The following CAMK2N2 variants were observed in gnomAD, a reference collection of about 807,000 sequenced individuals.
The protein encoded by CAMK2N2 is calcium/calmodulin-dependent protein kinase II inhibitor 2.
Under a neutral mutation model 7.8 loss-of-function variants are expected in CAMK2N2, and 3 were observed. That is an observed-to-expected ratio of 0.38 (90% CI 0.18 to 0.99). The LOEUF is 0.99. Among genes scored for constraint, CAMK2N2 ranks in the 50% least tolerant of loss-of-function variants. The pLI, the probability that CAMK2N2 is intolerant of heterozygous loss-of-function variation, is 0.37. For synonymous variants in CAMK2N2, 45 were observed against 46.6 expected (o/e 0.97, Z 0.14); for missense variants, 85 against 108.4 (o/e 0.78, Z 0.96).
At position 184,261,043 on chromosome 3, in the gene CAMK2N2, G is replaced by A; in HGVS notation, c.169+74C>T. ...GCGGCAAGAGCTGCGGGCACTCGGC[G>A]GGGAACGGCAGCCGGGGGGCGCCCG... On this transcript the variant is annotated intron_variant, in intron 1 of 1. Coordinates refer to ENST00000296238, the MANE Select transcript of CAMK2N2 (RefSeq NM_033259.3). The surrounding 1 kb of genome is among the most constrained non-coding windows in gnomAD (Gnocchi z 5.1). 1.4e-6 allele frequency: 2 copies of A among 1,452,420 alleles called. No individual in the cohort carries two copies. Among genetic ancestry groups the A allele is most frequent in the Non-Finnish European group, 1.8e-6 (2 of 1,103,540 alleles). The allele number at this position is 1,452,420 out of a possible 1,614,324, so 90.0% of individuals were successfully genotyped here.
In CAMK2N2 at chr3:184,261,323, G is replaced by C; in HGVS notation, c.-38C>G. The C allele has an allele frequency of 7.3e-7, 1 of 1,377,688 alleles. No individual in the cohort carries two copies. The highest frequency in any genetic ancestry group is 1.5e-5 in the African/African-American group (1 of 65,004). 85.3% of individuals were successfully genotyped at this position (1,377,688 alleles called of 1,614,324 possible). On this transcript the variant is annotated 5_prime_UTR_variant, in exon 1 of 2. Coordinates refer to ENST00000296238, the MANE Select transcript of CAMK2N2 (RefSeq NM_033259.3). The surrounding 1 kb of genome is among the most constrained non-coding windows in gnomAD (Gnocchi z 5.1). ...GTGGGCGCGGGGCGGGAGCGGGACT[G>C]CGGCGGGGCGCGGGCGGCGGGCTTG...
chr3:184,259,759 G>C lies in CAMK2N2; in HGVS notation c.*398C>G, dbSNP rs1308222793. ...GCAAGTACGCAGCCAAACATCCCTG[G>C]CCGCGCGCGGTCCGACACCGGCGGC... On this transcript the variant is annotated 3_prime_UTR_variant, in exon 2 of 2. Coordinates refer to ENST00000296238, the MANE Select transcript of CAMK2N2 (RefSeq NM_033259.3). 6.0e-5 allele frequency: 9 copies of C among 150,618 alleles called. No homozygotes were observed. The East Asian group carries it at 1.8e-3, about 30-fold the overall frequency. The allele number at this position is 150,618 out of a possible 1,614,324, so 9.3% of individuals were successfully genotyped here. A position where few individuals can be genotyped will look rare whatever the true frequency, so the allele number is the denominator to read the frequency against.
At position 184,260,394 on chromosome 3, in the gene CAMK2N2, C is replaced by T. The variant is rs1720001272; in HGVS notation, c.170-167G>A. On this transcript the variant is annotated intron_variant, in intron 1 of 1. Coordinates refer to ENST00000296238, the MANE Select transcript of CAMK2N2 (RefSeq NM_033259.3). The surrounding 1 kb of genome is among the most constrained non-coding windows in gnomAD (Gnocchi z 6.6). ...CGTCCGAACTCTTCTGGAGACCCAA[C>T]CCGCCGCCAAGCCTAGACCCCCTCC... 6.6e-6 allele frequency among the ~76,000 whole-genome samples: 1 copy of T among 152,212 alleles called. No individual in the cohort carries two copies.
chr3:184,259,305 G>C lies in CAMK2N2; in HGVS notation c.*852C>G, dbSNP rs996811573. ...GCACCCCTGGGTTGAGAACATCTCC[G>C]GGGCCACAGATGTCATCCAAAGGTT... On this transcript the variant is annotated 3_prime_UTR_variant, in exon 2 of 2. Transcript: ENST00000296238. 1 of 152,730 alleles carries C rather than the reference G, an allele frequency of 6.5e-6. No homozygotes were observed. Among genetic ancestry groups the C allele is most frequent in the Admixed American group, 6.5e-5 (1 of 15,278 alleles). The allele number at this position is 152,730 out of a possible 1,614,324, so 9.5% of individuals were successfully genotyped here. A position where few individuals can be genotyped will look rare whatever the true frequency, so the allele number is the denominator to read the frequency against.
rs904733645 is a variant in CAMK2N2 at position 184,261,483 on chromosome 3, G to A, written c.-198C>T. The A allele has an allele frequency of 6.9e-4, 134 of 194,720 alleles. No homozygotes were observed. Among genetic ancestry groups the A allele is most frequent in the African/African-American group, 3.0e-3 (125 of 42,102 alleles). 12.1% of individuals were successfully genotyped at this position (194,720 alleles called of 1,614,324 possible). A position where few individuals can be genotyped will look rare whatever the true frequency, so the allele number is the denominator to read the frequency against. ...GGGCCGCTGGGCAGGCGGCGGCGGC[G>A]GCGGTGGCGGGGACCGGGCGGGGGC... On this transcript the variant is annotated 5_prime_UTR_variant, in exon 1 of 2. Coordinates refer to ENST00000296238, the MANE Select transcript of CAMK2N2 (RefSeq NM_033259.3). This position sits in a 1 kb window ranked among gnomAD's most constrained non-coding sequence, Gnocchi z 5.1.
rs1190708406 is a variant in CAMK2N2, at chr3:184,259,805, C to G, written c.*352G>C. 1 of 119,520 alleles carries G rather than the reference C, an allele frequency of 8.4e-6. No homozygotes were observed. The highest frequency in any genetic ancestry group is 8.8e-5 in the Admixed American group (1 of 11,328). The allele number at this position is 119,520 out of a possible 1,614,324, so 7.4% of individuals were successfully genotyped here. On this transcript the variant is annotated 3_prime_UTR_variant, in exon 2 of 2. Coordinates refer to ENST00000296238, the MANE Select transcript of CAMK2N2 (RefSeq NM_033259.3). ...GCGGCCGCCCGGTCTGCAGACCAGA[C>G]TGGCCGGAGGGGGGCGGGGCAGGGG...
Position 184,260,664 on chromosome 3 carries a change from C to G in CAMK2N2, c.170-437G>C, listed in dbSNP as rs1349054995. The stretch of plus-strand genomic sequence containing the variant: ...TCGCCGCTGGAACCCCTCTTCCGAT[C>G]CTGGCACCAACAGAGCTCCCCTCCC... On this transcript the variant is annotated intron_variant, in intron 1 of 1. Coordinates refer to ENST00000296238, the MANE Select transcript of CAMK2N2 (RefSeq NM_033259.3). This position sits in a 1 kb window ranked among gnomAD's most constrained non-coding sequence, Gnocchi z 6.6. 2.0e-5 allele frequency among the ~76,000 whole-genome samples: 3 copies of G among 152,206 alleles called. No homozygotes were observed. The highest frequency in any genetic ancestry group is 2.9e-5 in the Non-Finnish European group (2 of 68,030).
Position 184,261,311 on chromosome 3 carries a change from G to T in CAMK2N2, c.-26C>A, listed in dbSNP as rs753187589. 1.4e-6 allele frequency: 2 copies of T among 1,475,890 alleles called. No individual in the cohort carries two copies. The highest frequency in any genetic ancestry group is 1.8e-6 in the Non-Finnish European group (2 of 1,119,180). 91.4% of individuals were successfully genotyped at this position (1,475,890 alleles called of 1,614,324 possible). On this transcript the variant is annotated 5_prime_UTR_variant, in exon 1 of 2. Coordinates refer to ENST00000296238, the MANE Select transcript of CAMK2N2 (RefSeq NM_033259.3). The surrounding 1 kb of genome is among the most constrained non-coding windows in gnomAD (Gnocchi z 5.1). ...GGCGGGCGCGGGGTGGGCGCGGGGC[G>T]GGAGCGGGACTGCGGCGGGGCGCGG... is the stretch of plus-strand genomic sequence containing the variant.
In CAMK2N2 at chr3:184,261,056, C is replaced by G; in HGVS notation, c.169+61G>C. 1 of 1,494,966 alleles carries G rather than the reference C, an allele frequency of 6.7e-7. No homozygotes were observed. Among genetic ancestry groups the G allele is most frequent in the Non-Finnish European group, 8.9e-7 (1 of 1,129,522 alleles). The allele number at this position is 1,494,966 out of a possible 1,614,324, so 92.6% of individuals were successfully genotyped here. On this transcript the variant is annotated intron_variant, in intron 1 of 1. Transcript: ENST00000296238. The surrounding 1 kb of genome is among the most constrained non-coding windows in gnomAD (Gnocchi z 5.1). ...CGGGCACTCGGCGGGGAACGGCAGC[C>G]GGGGGGCGCCCGGCGGAGGGTTTCT...
In CAMK2N2 at chr3:184,261,166, G is replaced by A; in HGVS notation, c.120C>T (p.Asn40=). The A allele has an allele frequency of 1.2e-6, 2 of 1,607,374 alleles. No individual in the cohort carries two copies. The highest frequency in any genetic ancestry group is 1.7e-6 in the Non-Finnish European group (2 of 1,177,698). ...CCAGCTTGGGGGGTCGCTTGGCCTGGTTGCCCGCGAAGAAGGAGTTGGTGT... is the reference window on the plus strand; with the variant it reads ...CCAGCTTGGGGGGTCGCTTGGCCTGATTGCCCGCGAAGAAGGAGTTGGTGT... The part of the protein sequence containing the change: ...LQDTNSFFAG[N]QAKRPPKLGQ... The change falls in exon 1 of 2, where the codon AAC becomes AAT. Residue 40 remains asparagine, a synonymous_variant. Transcript: ENST00000296238. The surrounding 1 kb of genome is among the most constrained non-coding windows in gnomAD (Gnocchi z 5.1).
Position 184,260,339 on chromosome 3 carries a change from C to T in CAMK2N2, c.170-112G>A. ...CTACTGCCCGTGGCCCAGCGACGCC[C>T]CTCGGAACCCTGTGCCGCGGTGTCC... is the stretch of plus-strand genomic sequence containing the variant. On this transcript the variant is annotated intron_variant, in intron 1 of 1. Transcript: ENST00000296238. This position sits in a 1 kb window ranked among gnomAD's most constrained non-coding sequence, Gnocchi z 6.6. 1 of 959,978 alleles carries T rather than the reference C, an allele frequency of 1.0e-6. No homozygotes were observed. The highest frequency in any genetic ancestry group is 3.2e-5 in the East Asian group (1 of 31,638). The allele number at this position is 959,978 out of a possible 1,614,324, so 59.5% of individuals were successfully genotyped here. A position where few individuals can be genotyped will look rare whatever the true frequency, so the allele number is the denominator to read the frequency against.
In CAMK2N2 at chr3:184,260,975, C is replaced by A. The variant is rs1436903408; in HGVS notation, c.169+142G>T. 3.4e-6 allele frequency: 3 copies of A among 869,594 alleles called. No homozygotes were observed. The highest frequency in any genetic ancestry group is 3.8e-5 in the South Asian group (2 of 52,144). The allele number at this position is 869,594 out of a possible 1,614,324, so 53.9% of individuals were successfully genotyped here. ...GGGGACACACACTGCAGCGGGGACC[C>A]CCCCCTCCAGCCCGGGCTGGAGAGC... is the stretch of plus-strand genomic sequence containing the variant. On this transcript the variant is annotated intron_variant, in intron 1 of 1. Coordinates refer to ENST00000296238, the MANE Select transcript of CAMK2N2 (RefSeq NM_033259.3). The surrounding 1 kb of genome is among the most constrained non-coding windows in gnomAD (Gnocchi z 6.6).
chr3:184,261,194 T>G lies in CAMK2N2; in HGVS notation c.92A>C (p.Gln31Pro), dbSNP rs780251102. The change falls in exon 1 of 2, where the codon CAG becomes CCG. Residue 31 changes from glutamine (Q) to proline (P), a missense_variant. Coordinates refer to ENST00000296238, the MANE Select transcript of CAMK2N2 (RefSeq NM_033259.3). The surrounding 1 kb of genome is among the most constrained non-coding windows in gnomAD (Gnocchi z 5.1). ...GCCCGCGAAGAAGGAGTTGGTGTCC[T>G]GCAGGCGGCAGCTGAAGGAGAGGTC... ...GSDLSFSCRLQDTNSFFAGNQ... is the reference protein window; with the variant it reads ...GSDLSFSCRLPDTNSFFAGNQ... The G allele has an allele frequency of 2.4e-5, 38 of 1,608,158 alleles. No individual in the cohort carries two copies. The highest frequency in any genetic ancestry group is 3.1e-5 in the Non-Finnish European group (36 of 1,177,942).
rs1479072079 is a variant in CAMK2N2 at position 184,259,258 on chromosome 3, G to A, written c.*899C>T. The A allele has an allele frequency of 6.5e-6, 1 of 152,744 alleles. No homozygotes were observed. The highest frequency in any genetic ancestry group is 2.4e-5 in the African/African-American group (1 of 41,446). 9.5% of individuals were successfully genotyped at this position (152,744 alleles called of 1,614,324 possible). A position where few individuals can be genotyped will look rare whatever the true frequency, so the allele number is the denominator to read the frequency against. On this transcript the variant is annotated 3_prime_UTR_variant, in exon 2 of 2. Coordinates refer to ENST00000296238, the MANE Select transcript of CAMK2N2 (RefSeq NM_033259.3). ...ATTCACACACTCCTGGTACAGTGAG[G>A]ATGGAGGAACATTTACGAAGGGCAC...
chr3:184,260,949 G>A lies in CAMK2N2; in HGVS notation c.169+168C>T, dbSNP rs550501910. 9.2e-5 allele frequency among the ~76,000 whole-genome samples: 14 copies of A among 152,298 alleles called. No homozygotes were observed. The highest frequency in any genetic ancestry group is 3.4e-4 in the African/African-American group (14 of 41,580). On this transcript the variant is annotated intron_variant, in intron 1 of 1. Coordinates refer to ENST00000296238, the MANE Select transcript of CAMK2N2 (RefSeq NM_033259.3). The surrounding 1 kb of genome is among the most constrained non-coding windows in gnomAD (Gnocchi z 6.6). ...ACCGTGTTCCCGGGAGAAGGGAAGA[G>A]GGGGACACACACTGCAGCGGGGACC...
rs1719984904 is a variant in CAMK2N2 at position 184,260,076 on chromosome 3, G to T, written c.*81C>A. On this transcript the variant is annotated 3_prime_UTR_variant, in exon 2 of 2. Transcript: ENST00000296238. This position sits in a 1 kb window ranked among gnomAD's most constrained non-coding sequence, Gnocchi z 6.6. Reference sequence around the variant, plus strand: ...GCGGGCGCCTGGGCCGGGGCGGGGGGGCGCCGGCAGCCGCATCGCCGGCCC... The same window carrying T: ...GCGGGCGCCTGGGCCGGGGCGGGGGTGCGCCGGCAGCCGCATCGCCGGCCC... 2 of 796,644 alleles carry T rather than the reference G, an allele frequency of 2.5e-6. No individual in the cohort carries two copies. The highest frequency in any genetic ancestry group is 3.8e-5 in the African/African-American group (2 of 52,926). The allele number at this position is 796,644 out of a possible 1,614,324, so 49.3% of individuals were successfully genotyped here. A position where few individuals can be genotyped will look rare whatever the true frequency, so the allele number is the denominator to read the frequency against.
rs1051013181 is a variant in CAMK2N2, at chr3:184,260,066, G to C, written c.*91C>G. ...GCCCCCGCCCGCGGGCGCCTGGGCC[G>C]GGGCGGGGGGGCGCCGGCAGCCGCA... On this transcript the variant is annotated 3_prime_UTR_variant, in exon 2 of 2. Transcript: ENST00000296238. This position sits in a 1 kb window ranked among gnomAD's most constrained non-coding sequence, Gnocchi z 6.6. The C allele has an allele frequency of 1.7e-5, 12 of 705,496 alleles. No individual in the cohort carries two copies. Among genetic ancestry groups the C allele is most frequent in the African/African-American group, 1.6e-4 (8 of 51,200 alleles). 43.7% of individuals were successfully genotyped at this position (705,496 alleles called of 1,614,324 possible).
chr3:184,260,359 G>T lies in CAMK2N2; in HGVS notation c.170-132C>A. On this transcript the variant is annotated intron_variant, in intron 1 of 1. Transcript: ENST00000296238. The surrounding 1 kb of genome is among the most constrained non-coding windows in gnomAD (Gnocchi z 6.6). ...ACGCCCCTCGGAACCCTGTGCCGCG[G>T]TGTCCTCCCCGTCCGAACTCTTCTG... The T allele has an allele frequency of 1.3e-6, 1 of 755,958 alleles. No individual in the cohort carries two copies. The highest frequency in any genetic ancestry group is 2.1e-6 in the Non-Finnish European group (1 of 484,248). The allele number at this position is 755,958 out of a possible 1,614,324, so 46.8% of individuals were successfully genotyped here.
In CAMK2N2 at chr3:184,259,635, G is replaced by A. The variant is rs923041495; in HGVS notation, c.*522C>T. 3 of 152,844 alleles carry A rather than the reference G, an allele frequency of 2.0e-5. No individual in the cohort carries two copies. The highest frequency in any genetic ancestry group is 6.5e-5 in the Admixed American group (1 of 15,288). The allele number at this position is 152,844 out of a possible 1,614,324, so 9.5% of individuals were successfully genotyped here. A position where few individuals can be genotyped will look rare whatever the true frequency, so the allele number is the denominator to read the frequency against. On this transcript the variant is annotated 3_prime_UTR_variant, in exon 2 of 2. Coordinates refer to ENST00000296238, the MANE Select transcript of CAMK2N2 (RefSeq NM_033259.3). The stretch of plus-strand genomic sequence containing the variant: ...GATATAAAAATACAAATGTGCTGAG[G>A]AAGTCCCTTAGAAAGAGGCTGAGGC...
Sources: allele counts gnomAD v4.1 joint callset (sites outside exome capture counted in the v4.1 genomes callset), GRCh38; gene constraint gnomAD v4.1.1; non-coding constraint Gnocchi (gnomAD v3.1); transcripts MANE v1.5; gene names NCBI Gene and HGNC (gene_info 2026-07-23, HGNC 2026-07-21).